Variants in PCYT1A observed in about 807,000 individuals in gnomAD.
PCYT1A encodes choline-phosphate cytidylyltransferase A.
PCYT1A carries 25 observed loss-of-function variants against 43.7 expected under a neutral mutation model. The ratio of observed to expected loss-of-function variants is 0.57; its 90% CI spans 0.42 to 0.80. The LOEUF is 0.80. Among genes scored for constraint, PCYT1A ranks in the 30% least tolerant of loss-of-function variants. PCYT1A has a pLI of 0.00. For missense variants in PCYT1A, 421 were observed against 474.2 expected (o/e 0.89, Z 1.04); for synonymous variants, 172 against 170.7 (o/e 1.01, Z -0.06).
At chr3:196,281,071 C>A (rs1161763870) in intron 1 of PCYT1A, among the ~76,000 whole-genome samples, 1 of 152,224 alleles carries the variant, frequency 6.6e-6, no homozygotes, top group Admixed American at 6.5e-5. Flanking sequence ...ACATTATCTT[C>A]CCCACTAAAA....
intron 5 of PCYT1A, among the ~76,000 whole-genome samples, chr3:196,244,105 C>T (rs1252243362): frequency 2.7e-5 from 4 of 150,550 alleles, no homozygotes; most frequent in African/African-American, 4.9e-5. Context: ...TCTGCCCCGC[C>T]GCCCCATCTG....
Position 196,238,375 on chromosome 3 carries a change from T to G in PCYT1A, c.*313A>C, listed in dbSNP as rs190564636. On this transcript the variant is annotated 3_prime_UTR_variant, in exon 9 of 9. Coordinates refer to ENST00000431016, the MANE Select transcript of PCYT1A (RefSeq NM_001312673.2). ...TTCTACATTTGAAAGACGAATTTTT[T>G]AAAAAATTAATGAAAATGACAATTT... 1 of 209,576 alleles carries G rather than the reference T, an allele frequency of 4.8e-6. No individual in the cohort carries two copies. The highest frequency in any genetic ancestry group is 2.3e-5 in the African/African-American group (1 of 43,724). The allele number at this position is 209,576 out of a possible 1,614,324, so 13.0% of individuals were successfully genotyped here.
rs967961130 is a variant in PCYT1A, at chr3:196,257,991, T to C, written c.118-104A>G. ...AGAAAGGAGATTGATCTCTCTATTA[T>C]AGATGGCTTCGTTTAAGAGATTTCG... On this transcript the variant is annotated intron_variant, in intron 2 of 8. Coordinates refer to ENST00000431016, the MANE Select transcript of PCYT1A (RefSeq NM_001312673.2). 1.1e-4 allele frequency: 71 copies of C among 663,618 alleles called. No individual in the cohort carries two copies. In the South Asian group the frequency reaches 1.2e-3, roughly 12 times the overall value. The allele number at this position is 663,618 out of a possible 1,614,324, so 41.1% of individuals were successfully genotyped here.
Position 196,273,064 on chromosome 3 carries a change from G to T in PCYT1A, c.-10-2523C>A, listed in dbSNP as rs946539739. Among the ~76,000 whole-genome samples, 3 of 152,320 alleles carry T rather than the reference G, an allele frequency of 2.0e-5. No individual in the cohort carries two copies. The highest frequency in any genetic ancestry group is 3.9e-4 in the East Asian group (2 of 5,180). ...CCGGCCACTGCGCACAGCCAGGCACGCCAGCTGCCAGGGGGTGAGCAGCTC... is the reference window on the plus strand; with the variant it reads ...CCGGCCACTGCGCACAGCCAGGCACTCCAGCTGCCAGGGGGTGAGCAGCTC... On this transcript the variant is annotated intron_variant, in intron 1 of 8. Transcript: ENST00000431016. This position sits in a 1 kb window ranked among gnomAD's most constrained non-coding sequence, Gnocchi z 4.1.
At chr3:196,281,894 C>T (rs937855514) in intron 1 of PCYT1A, among the ~76,000 whole-genome samples, 1 of 152,154 alleles carries the variant, frequency 6.6e-6, no homozygotes, top group African/African-American at 2.4e-5. Context: ...TCTCACTTTG[C>T]TGCCCAGGTT....
At chr3:196,283,001 A>T (rs1033400784) in intron 1 of PCYT1A, among the ~76,000 whole-genome samples, 2 of 152,174 alleles carry the variant, frequency 1.3e-5, no homozygotes, top group African/African-American at 4.8e-5. Flanking sequence ...AGAAAGCCTC[A>T]AACTAATATA....
chr3:196,241,070 G>A (rs928819947), intron 7 of PCYT1A, among the ~76,000 whole-genome samples: 5 of 143,956 alleles, frequency 3.5e-5, no homozygotes, highest in African/African-American at 1.0e-4. Context: ...AAGGGGGTCC[G>A]ATCGCTTGAG....
rs532168542 is a variant in PCYT1A at position 196,276,584 on chromosome 3, C to A, written c.-10-6043G>T. On this transcript the variant is annotated intron_variant, in intron 1 of 8. Transcript: ENST00000431016. ...CACCACTGCACTCCAGCCTGGGCAA[C>A]AGAGTGAGACTCCGTCTCAAAAAAT... Among the ~76,000 whole-genome samples the A allele has an allele frequency of 4.1e-5, 6 of 146,502 alleles. No homozygotes were observed. In the East Asian group the frequency reaches 1.2e-3, roughly 29 times the overall value.
intron 2 of PCYT1A, 39 bp downstream of exon 2, chr3:196,270,376 G>A (rs775793221): frequency 1.7e-5 from 21 of 1,201,684 alleles, no homozygotes; most frequent in South Asian, 3.7e-5. Flanking sequence ...ATGTCATATC[G>A]GTTTCTACCC....
chr3:196,248,418 C>T, intron 3 of PCYT1A, 95 bp from the exon 4 acceptor site: 1 of 687,938 alleles, frequency 1.5e-6, no homozygotes, highest in East Asian at 3.1e-5. Flanking sequence ...GTCACCCAGG[C>T]TGGAGTGCAG....
At position 196,249,998 on chromosome 3, in the gene PCYT1A, G is replaced by GCCGAGGCTGAGGACCAGA. The variant is rs1724699373; in HGVS notation, c.218-1676_218-1675insTCTGGTCCTCAGCCTCGG. Among the ~76,000 whole-genome samples, 6 of 130,924 alleles carry GCCGAGGCTGAGGACCAGA rather than the reference G, an allele frequency of 4.6e-5. 2 individuals are homozygous for GCCGAGGCTGAGGACCAGA. The highest frequency in any genetic ancestry group is 8.6e-5 in the African/African-American group (3 of 34,858). 85.9% of individuals were successfully genotyped at this position (130,924 alleles called of 152,430 possible). On this transcript the variant is annotated intron_variant, in intron 3 of 8. Coordinates refer to ENST00000431016, the MANE Select transcript of PCYT1A (RefSeq NM_001312673.2). ...CCACATACACTATGCTGAGGATCAG[G>GCCGAGGCTGAGGACCAGA]TACACCATGCCGAGGCTGAGGACCA...
intron 1 of PCYT1A, among the ~76,000 whole-genome samples, chr3:196,270,843 A>G (rs1002576580): frequency 2.0e-5 from 3 of 152,230 alleles, no homozygotes; most frequent in Non-Finnish European, 2.9e-5. Flanking sequence ...TCCTGATTGC[A>G]TGCAAAAGAT....
At chr3:196,246,490 C>T (rs1024572278) in intron 5 of PCYT1A, among the ~76,000 whole-genome samples, 10 of 152,096 alleles carry the variant, frequency 6.6e-5, no homozygotes, top group Non-Finnish European at 1.2e-4. Flanking sequence ...CCCACCTTGG[C>T]CTCCCAAAGT....
chr3:196,275,530 C>A (rs1037590883), intron 1 of PCYT1A, among the ~76,000 whole-genome samples: 3 of 151,804 alleles, frequency 2.0e-5, no homozygotes, highest in Admixed American at 6.6e-5. Context: ...GTCAAGAGAT[C>A]GAGACCATCC....
At chr3:196,250,068 C>T (rs1724702335) in intron 3 of PCYT1A, among the ~76,000 whole-genome samples, 1 of 147,594 alleles carries the variant, frequency 6.8e-6, no homozygotes, top group Non-Finnish European at 1.5e-5. Context: ...CATGCCGAGG[C>T]TGAGGACCAG....
At chr3:196,263,481 C>T (rs1329626563) in intron 2 of PCYT1A, among the ~76,000 whole-genome samples, 6 of 152,098 alleles carry the variant, frequency 3.9e-5, no homozygotes, top group Non-Finnish European at 8.8e-5. Context: ...CCTCCCAAGG[C>T]GCTTGGATTT....
At chr3:196,286,310 A>G (rs144641390) in intron 1 of PCYT1A, among the ~76,000 whole-genome samples, 1 of 152,240 alleles carries the variant, frequency 6.6e-6, no homozygotes. Context: ...CCTCAATTAC[A>G]TTCAGGAAGC....
intron 1 of PCYT1A, among the ~76,000 whole-genome samples, chr3:196,285,373 C>T (rs888482114): frequency 6.6e-6 from 1 of 152,050 alleles, no homozygotes; most frequent in Admixed American, 6.6e-5. Flanking sequence ...GTAGGAGAAT[C>T]GCTTTGAACC....
chr3:196,262,162 G>A (rs748712907), intron 2 of PCYT1A, among the ~76,000 whole-genome samples: 35 of 152,074 alleles, frequency 2.3e-4, no homozygotes, highest in East Asian at 1.9e-4. Context: ...CCACAGTATC[G>A]CTTTCAAGTC....
Sources: allele counts gnomAD v4.1 joint callset (sites outside exome capture counted in the v4.1 genomes callset), GRCh38; gene constraint gnomAD v4.1.1; non-coding constraint Gnocchi (gnomAD v3.1); transcripts MANE v1.5; gene names NCBI Gene and HGNC (gene_info 2026-07-23, HGNC 2026-07-21).